DDIAS: variants seen among roughly 807,000 people sequenced by gnomAD.
The protein encoded by DDIAS is DNA damage induced apoptosis suppressor.
Under a neutral mutation model 15.7 loss-of-function variants are expected in DDIAS, and 14 were observed. That is an observed-to-expected ratio of 0.89 (90% CI 0.59 to 1.39). DDIAS has a LOEUF of 1.39. DDIAS is among the 40% of genes most tolerant of loss of function. DDIAS has a pLI of 0.00. For synonymous variants in DDIAS, 355 were observed against 395.9 expected (o/e 0.90, Z 1.23); for missense variants, 1,035 against 1,130.9 (o/e 0.92, Z 1.22).
At chr11:82,928,720 C>T in intron 3 of DDIAS, 57 bp from the exon 4 acceptor site, 2 of 1,556,730 alleles carry the variant, frequency 1.3e-6, no homozygotes, top group South Asian at 2.3e-5. Context: ...CTGGATTTTT[C>T]ATCATATGAA....
intron 3 of DDIAS, among the ~76,000 whole-genome samples, chr11:82,922,224 T>G (rs1326203189): frequency 6.6e-6 from 1 of 152,226 alleles, no homozygotes; most frequent in Non-Finnish European, 1.5e-5. Context: ...TCCCAGATGC[T>G]CTTTATGCTT....
chr11:82,913,189 T>C (rs1286038431), intron 1 of DDIAS, 98 bp from the exon 2 acceptor site: 2 of 152,142 alleles, frequency 1.3e-5, no homozygotes, highest in Non-Finnish European at 2.9e-5. Context: ...GTAAAAAAAA[T>C]GTAATATCTG....
At chr11:82,913,831 C>T in intron 2 of DDIAS, 1 of 385,190 alleles carries the variant, frequency 2.6e-6, no homozygotes, top group South Asian at 1.9e-5. Context: ...TGAATATTTG[C>T]ACATAATTAA....
intron 3 of DDIAS, among the ~76,000 whole-genome samples, chr11:82,925,630 T>A (rs1245275421): frequency 6.6e-6 from 1 of 151,784 alleles, no homozygotes; most frequent in Non-Finnish European, 1.5e-5. Context: ...TAGACAGATA[T>A]AAGATAAACA....
chr11:82,923,622 A>G (rs1011503774), intron 3 of DDIAS, among the ~76,000 whole-genome samples: 8 of 152,206 alleles, frequency 5.3e-5, no homozygotes, highest in Admixed American at 1.3e-4. Context: ...TTGGGGCTCC[A>G]TGGAAGTGCT....
chr11:82,927,769 A>C (rs1413145675), intron 3 of DDIAS, among the ~76,000 whole-genome samples: 1 of 152,256 alleles, frequency 6.6e-6, no homozygotes, highest in Non-Finnish European at 1.5e-5. Context: ...AAGTGACAGT[A>C]ATTATCACAA....
At chr11:82,920,032 T>TA (rs1860714053) in intron 3 of DDIAS, among the ~76,000 whole-genome samples, 1 of 152,196 alleles carries the variant, frequency 6.6e-6, no homozygotes, top group Non-Finnish European at 1.5e-5. Flanking sequence ...CTTTTGTTGG[T>TA]AATTTTTTAA....
At chr11:82,911,493 TATC>T (rs1165393015) in intron 1 of DDIAS, among the ~76,000 whole-genome samples, 1 of 152,220 alleles carries the variant, frequency 6.6e-6, no homozygotes, top group Non-Finnish European at 1.5e-5. Flanking sequence ...GTTCATGCCT[TATC>T]ATGAGATTGC....
At chr11:82,929,847 T>G (rs57492075) in intron 4 of DDIAS, among the ~76,000 whole-genome samples, 3,179 of 152,284 alleles carry the variant, frequency 0.021, 132 homozygotes, top group African/African-American at 0.072. Flanking sequence ...GGATGACTTT[T>G]TCCTGCTTTC....
At chr11:82,921,955 C>T (rs998508006) in intron 3 of DDIAS, among the ~76,000 whole-genome samples, 2 of 152,174 alleles carry the variant, frequency 1.3e-5, no homozygotes, top group Non-Finnish European at 2.9e-5. Flanking sequence ...CTGTATCTTT[C>T]CTTCATATAT....
chr11:82,933,364 T>G lies in DDIAS; in HGVS notation c.2026T>G (p.Ser676Ala). 6.2e-7 allele frequency: 1 copy of G among 1,614,062 alleles called. No individual in the cohort carries two copies. The highest frequency in any genetic ancestry group is 1.1e-5 in the South Asian group (1 of 91,084). Residue 676 changes from serine (S) to alanine (A), a missense_variant, in exon 6 of 6, where the codon TCT (serine) becomes GCT (alanine). Ser to Ala is a moderately conservative substitution (Grantham distance 99). Transcript: ENST00000533655. ...SIGYEGSYDA[S>A]ADLFDDIAKE... ...TGGTTATGAAGGTAGCTATGATGCC[T>G]CTGCTGATCTCTTTGATGATATTGC...
intron 1 of DDIAS, among the ~76,000 whole-genome samples, chr11:82,904,041 C>A (rs899563483): frequency 1.3e-5 from 2 of 152,186 alleles, no homozygotes; most frequent in African/African-American, 4.8e-5. Flanking sequence ...GACTGGTAAG[C>A]TACTCATCAG....
At chr11:82,904,548 C>T (rs891923672) in intron 1 of DDIAS, among the ~76,000 whole-genome samples, 3 of 152,190 alleles carry the variant, frequency 2.0e-5, no homozygotes, top group Admixed American at 2.0e-4. Context: ...AAGTGTTACA[C>T]ACCATGAGAT....
At position 82,932,502 on chromosome 11, in the gene DDIAS, TG is replaced by T. The variant is rs1375238668; in HGVS notation, c.1165del (p.Ala389HisfsTer34). 6.2e-7 allele frequency: 1 copy of T among 1,614,202 alleles called. No homozygotes were observed. The highest frequency in any genetic ancestry group is 1.1e-5 in the South Asian group (1 of 91,080). On this transcript the variant is annotated frameshift_variant, in exon 6 of 6. Transcript: ENST00000533655. LOFTEE classifies it low-confidence loss of function (END_TRUNC). ...DTPTSLQKRS[A>X]CCPPSLLRLE... The stretch of plus-strand genomic sequence containing the variant: ...CCCCAACTAGCCTTCAGAAGAGATC[TG>T]CATGTTGTCCACCTTCGTTACTCAG...
intron 3 of DDIAS, among the ~76,000 whole-genome samples, chr11:82,926,178 C>T (rs577441783): frequency 1.9e-4 from 29 of 150,762 alleles, no homozygotes; most frequent in African/African-American, 6.8e-4. Flanking sequence ...CAACCTCTGC[C>T]GCCTGAGCTC....
At chr11:82,927,511 C>T (rs1461649213) in intron 3 of DDIAS, among the ~76,000 whole-genome samples, 1 of 152,222 alleles carries the variant, frequency 6.6e-6, no homozygotes, top group Non-Finnish European at 1.5e-5. Flanking sequence ...AACCATCTTT[C>T]ACCTTGCTTT....
intron 1 of DDIAS, among the ~76,000 whole-genome samples, chr11:82,913,059 T>C (rs979231903): frequency 1.3e-5 from 2 of 152,104 alleles, no homozygotes; most frequent in Admixed American, 1.3e-4. Context: ...CCATCAGATA[T>C]AATAAAAATG....
chr11:82,910,855 G>A lies in DDIAS; in HGVS notation c.-116-2432G>A, dbSNP rs1191623108. 2.0e-5 allele frequency among the ~76,000 whole-genome samples: 3 copies of A among 151,972 alleles called. No homozygotes were observed. The East Asian group carries it at 5.8e-4, about 29-fold the overall frequency. On this transcript the variant is annotated intron_variant, in intron 1 of 5. Transcript: ENST00000533655. ...TGAATTTTTAAAAAGAAAGTATAAAGAGGAGAACATTGCTACAGGCATACC... is the reference window on the plus strand; with the variant it reads ...TGAATTTTTAAAAAGAAAGTATAAAAAGGAGAACATTGCTACAGGCATACC...
In DDIAS at chr11:82,930,333, T is replaced by C. The variant is rs149273233; in HGVS notation, c.393+59T>C. 1.8e-3 allele frequency: 2,241 copies of C among 1,258,618 alleles called. 31 individuals are homozygous for C. In the African/African-American group the frequency reaches 0.03, roughly 17 times the overall value. The allele number at this position is 1,258,618 out of a possible 1,614,324, so 78.0% of individuals were successfully genotyped here. A position where few individuals can be genotyped will look rare whatever the true frequency, so the allele number is the denominator to read the frequency against. Reference sequence around the variant, plus strand: ...TTAACATTTCCATTGTAATGAATTATGTGAATTTTCTAAATAGTTGTTAGG... The same window carrying C: ...TTAACATTTCCATTGTAATGAATTACGTGAATTTTCTAAATAGTTGTTAGG... On this transcript the variant is annotated intron_variant, in intron 5 of 5. Coordinates refer to ENST00000533655, the MANE Select transcript of DDIAS (RefSeq NM_145018.4).
Sources: gnomAD v4.1 joint callset for allele counts (sites outside exome capture counted in the v4.1 genomes callset) on GRCh38, gnomAD v4.1.1 for gene constraint, MANE v1.5 for transcripts, NCBI Gene and HGNC (gene_info 2026-07-23, HGNC 2026-07-21) for gene names.